The following IL17RD variants were observed in gnomAD, a reference collection of about 807,000 sequenced individuals.
The protein encoded by IL17RD is interleukin-17 receptor D.
IL17RD carries 52 observed loss-of-function variants against 80.5 expected under a neutral mutation model. The ratio of observed to expected loss-of-function variants is 0.65; its 90% CI spans 0.52 to 0.81. The LOEUF (loss-of-function observed/expected upper bound fraction) is 0.81. IL17RD is among the 40% of genes least tolerant of loss of function. IL17RD has a pLI of 0.00. For missense variants in IL17RD, 1,024 were observed against 955.1 expected (o/e 1.07, Z -0.95); for synonymous variants, 416 against 391.8 (o/e 1.06, Z -0.73).
chr3:57,103,054 T>A lies in IL17RD; in HGVS notation c.868+37A>T, dbSNP rs375366423. On this transcript the variant is annotated intron_variant, in intron 9 of 12. Transcript: ENST00000296318. ...GAGTATCACATACCTTGGTCTATAG[T>A]AGTCTAGAGCCAAATTTCAAACAAA... 6.1e-6 allele frequency: 9 copies of A among 1,476,490 alleles called. No homozygotes were observed. The African/African-American group carries it at 1.1e-4, about 18-fold the overall frequency. 91.5% of individuals were successfully genotyped at this position (1,476,490 alleles called of 1,614,324 possible). A position where few individuals can be genotyped will look rare whatever the true frequency, so the allele number is the denominator to read the frequency against.
chr3:57,096,199 T>C lies in IL17RD; in HGVS notation c.*194A>G, dbSNP rs1706665714. On this transcript the variant is annotated 3_prime_UTR_variant, in exon 13 of 13. Coordinates refer to ENST00000296318, the MANE Select transcript of IL17RD (RefSeq NM_017563.5). ...TGCCTTTCAGAGCTCCATATCATTTTAGAAAATTGGAGAGTTTGTCAAGAT... is the reference window on the plus strand; with the variant it reads ...TGCCTTTCAGAGCTCCATATCATTTCAGAAAATTGGAGAGTTTGTCAAGAT... 1 of 577,406 alleles carries C rather than the reference T, an allele frequency of 1.7e-6. No individual in the cohort carries two copies. The highest frequency in any genetic ancestry group is 1.9e-5 in the African/African-American group (1 of 53,304). 35.8% of individuals were successfully genotyped at this position (577,406 alleles called of 1,614,324 possible).
chr3:57,128,663 T>C (rs1294226235), intron 1 of IL17RD, among the ~76,000 whole-genome samples: 1 of 151,402 alleles, frequency 6.6e-6, no homozygotes, highest in Non-Finnish European at 1.5e-5. Context: ...CTCTAAATGA[T>C]GGTGGCCTGA....
intron 1 of IL17RD, among the ~76,000 whole-genome samples, chr3:57,153,804 T>C (rs927889064): frequency 2.0e-5 from 3 of 152,246 alleles, no homozygotes; most frequent in Non-Finnish European, 2.9e-5. Flanking sequence ...TTATACATTA[T>C]ATACATACAT....
At chr3:57,104,441 C>T (rs778842870) in intron 7 of IL17RD, 34 bp from the exon 8 acceptor site, 7 of 1,485,710 alleles carry the variant, frequency 4.7e-6, no homozygotes, top group Non-Finnish European at 6.5e-6. Context: ...TAAAAACTCA[C>T]TTCTTGGGCA....
intron 1 of IL17RD, among the ~76,000 whole-genome samples, chr3:57,142,239 A>G (rs1333455450): frequency 1.3e-5 from 2 of 152,228 alleles, no homozygotes; most frequent in Non-Finnish European, 2.9e-5. Flanking sequence ...TTATAAACAA[A>G]GGAATCATTT....
chr3:57,114,927 G>C, intron 2 of IL17RD, 110 bp from the exon 3 acceptor site: 1 of 841,260 alleles, frequency 1.2e-6, no homozygotes, highest in Non-Finnish European at 1.7e-6. Context: ...AATCCATTCT[G>C]TTAAAGATGT....
At chr3:57,112,296 T>C (rs1283818992) in intron 3 of IL17RD, among the ~76,000 whole-genome samples, 1 of 152,188 alleles carries the variant, frequency 6.6e-6, no homozygotes, top group Non-Finnish European at 1.5e-5. Flanking sequence ...AAACTGAGGT[T>C]TATAGTAGCT....
intron 1 of IL17RD, among the ~76,000 whole-genome samples, chr3:57,149,770 C>T (rs1056261949): frequency 1.3e-5 from 2 of 152,134 alleles, no homozygotes; most frequent in African/African-American, 2.4e-5. Flanking sequence ...CACCTGCCCA[C>T]GCCTGCCTCT....
At chr3:57,113,574 T>G (rs1707144544) in intron 3 of IL17RD, among the ~76,000 whole-genome samples, 1 of 152,210 alleles carries the variant, frequency 6.6e-6, no homozygotes. Flanking sequence ...TCTCACTCTA[T>G]AGCTCAGGCT....
chr3:57,104,587 G>C (rs1157870562), intron 7 of IL17RD, among the ~76,000 whole-genome samples, 180 bp from the exon 8 acceptor site: 1 of 152,178 alleles, frequency 6.6e-6, no homozygotes, highest in African/African-American at 2.4e-5. Context: ...ACTTCCCTTT[G>C]ATAAAAGGCC....
chr3:57,142,685 C>A (rs907327247), intron 1 of IL17RD: 1 of 128,464 alleles, frequency 7.8e-6, no homozygotes, highest in African/African-American at 2.8e-5. Flanking sequence ...TTGGGCGGGG[C>A]GGGGGGGAGG....
intron 2 of IL17RD, among the ~76,000 whole-genome samples, chr3:57,119,899 G>A (rs1333851411): frequency 4.6e-5 from 7 of 152,190 alleles, no homozygotes; most frequent in Admixed American, 4.6e-4. Flanking sequence ...TATCCAGTTT[G>A]CCATACTGTC....
intron 1 of IL17RD, among the ~76,000 whole-genome samples, chr3:57,138,191 A>T (rs999574994): frequency 4.6e-5 from 7 of 152,236 alleles, no homozygotes; most frequent in African/African-American, 1.7e-4. Context: ...TGATGGTTGC[A>T]AAACATTGTG....
intron 12 of IL17RD, 84 bp downstream of exon 12, chr3:57,097,512 A>C (rs1404150479): frequency 1.8e-6 from 2 of 1,132,832 alleles, no homozygotes; most frequent in East Asian, 5.1e-5. Flanking sequence ...AGTTGGCACC[A>C]AAAGTGGAAA....
upstream of IL17RD, among the ~76,000 whole-genome samples, chr3:57,167,709 T>C (rs1299452870): frequency 5.3e-5 from 8 of 152,272 alleles, no homozygotes; most frequent in Non-Finnish European, 8.8e-5. Context: ...TCAGAATTGC[T>C]GGATTATGCA....
chr3:57,123,106 A>G (rs1707375321), intron 1 of IL17RD, among the ~76,000 whole-genome samples: 1 of 152,140 alleles, frequency 6.6e-6, no homozygotes, highest in Non-Finnish European at 1.5e-5. Context: ...AGTCTCTGTG[A>G]TGTGTGTGGA....
At chr3:57,096,983 C>T (rs1388399179) in intron 12 of IL17RD, among the ~76,000 whole-genome samples, 5 of 145,920 alleles carry the variant, frequency 3.4e-5, no homozygotes, top group Non-Finnish European at 5.9e-5. Context: ...GCAGCCTGGG[C>T]GACAGGGTGA....
chr3:57,164,803 C>T, intron 1 of IL17RD: 1 of 784,904 alleles, frequency 1.3e-6, no homozygotes, highest in Non-Finnish European at 1.6e-6. Flanking sequence ...GGGATCCCAG[C>T]CCGGGACACG....
chr3:57,102,789 G>A (rs894275495), intron 9 of IL17RD, among the ~76,000 whole-genome samples, 200 bp from the exon 10 acceptor site: 2 of 152,206 alleles, frequency 1.3e-5, no homozygotes, highest in African/African-American at 4.8e-5. Flanking sequence ...CAACAGTTAA[G>A]AGTCAGGCTG....
Sources: gnomAD v4.1 joint callset for allele counts (sites outside exome capture counted in the v4.1 genomes callset) on GRCh38, gnomAD v4.1.1 for gene constraint, MANE v1.5 for transcripts, NCBI Gene and HGNC (gene_info 2026-07-23, HGNC 2026-07-21) for gene names.